The following CHST11 variants were observed in gnomAD, a reference collection of about 807,000 sequenced individuals.
CHST11 encodes the protein carbohydrate sulfotransferase 11.
A neutral mutation model predicts 30.4 loss-of-function variants in CHST11; 9 were observed. The observed-to-expected ratio is 0.30, with a 90% CI of 0.18 to 0.52. The LOEUF (loss-of-function observed/expected upper bound fraction) is 0.52, where lower values mean the gene tolerates loss of function less well. Ranked by LOEUF, CHST11 falls within the 20% of genes least tolerant of loss-of-function variation. The pLI is 0.97. For missense variants in CHST11, 348 were observed against 460.6 expected, an observed-to-expected ratio of 0.76 and a Z score of 2.24; for synonymous variants, 152 against 187.8, an observed-to-expected ratio of 0.81 and a Z score of 1.56.
chr12:104,548,508 A>G (rs1400641431), intron 1 of CHST11, among the ~76,000 whole-genome samples: 1 of 152,152 alleles, frequency 6.6e-6, no homozygotes, highest in Non-Finnish European at 1.5e-5. Context: ...AGGGAGAGAG[A>G]AAAGGGAAGA....
chr12:104,503,146 T>C (rs866486393), intron 1 of CHST11, among the ~76,000 whole-genome samples: 1 of 152,206 alleles, frequency 6.6e-6, no homozygotes, highest in South Asian at 2.1e-4. Context: ...AATATGCCCA[T>C]CCAGACATCG....
At chr12:104,681,334 C>G (rs1240711331) in intron 2 of CHST11, among the ~76,000 whole-genome samples, 1 of 152,150 alleles carries the variant, frequency 6.6e-6, no homozygotes, top group African/African-American at 2.4e-5. Flanking sequence ...AGAAATTACT[C>G]ACAAAAGACC....
intron 2 of CHST11, among the ~76,000 whole-genome samples, chr12:104,670,606 AAC>A (rs1007464349): frequency 6.9e-6 from 1 of 144,114 alleles, no homozygotes; most frequent in African/African-American, 2.6e-5. Context: ...CTCCCACACA[AAC>A]ACATCCATAC....
chr12:104,743,318 G>A (rs958978544), intron 2 of CHST11, among the ~76,000 whole-genome samples: 6 of 152,232 alleles, frequency 3.9e-5, no homozygotes, highest in Non-Finnish European at 8.8e-5. Context: ...CCACCACTGA[G>A]TGTGAGCCTT....
chr12:104,610,249 T>G (rs1344554400), intron 2 of CHST11, among the ~76,000 whole-genome samples: 1 of 152,224 alleles, frequency 6.6e-6, no homozygotes, highest in African/African-American at 2.4e-5. Flanking sequence ...TAAGACCTCA[T>G]CTCTGGGTTG....
At chr12:104,687,137 GT>G (rs1302510774) in intron 2 of CHST11, among the ~76,000 whole-genome samples, 2 of 152,248 alleles carry the variant, frequency 1.3e-5, no homozygotes, top group Non-Finnish European at 2.9e-5. Flanking sequence ...GCTAAGAGTG[GT>G]TGCAATAGGG....
At chr12:104,592,922 C>T (rs940561307) in intron 1 of CHST11, among the ~76,000 whole-genome samples, 4 of 152,154 alleles carry the variant, frequency 2.6e-5, no homozygotes, top group African/African-American at 7.2e-5. Context: ...GTTTGGGGGA[C>T]TCCATTTGGT....
chr12:104,646,459 T>A (rs2559641), intron 2 of CHST11, among the ~76,000 whole-genome samples: 49,847 of 152,170 alleles, frequency 0.33, 8,385 homozygotes, highest in East Asian at 0.47. Flanking sequence ...TCTGGCCGGG[T>A]GCAGTGGCTC....
intron 2 of CHST11, among the ~76,000 whole-genome samples, chr12:104,666,035 G>A (rs1466900899): frequency 6.6e-6 from 1 of 151,862 alleles, no homozygotes; most frequent in South Asian, 2.1e-4. Context: ...GGCCAGGATG[G>A]TCTTGATCTC....
At position 104,458,673 on chromosome 12, in the gene CHST11, G is replaced by T. The variant is rs2037379770; in HGVS notation, c.118+1144G>T. Among the ~76,000 whole-genome samples the T allele has an allele frequency of 6.6e-6, 1 of 152,242 alleles. No homozygotes were observed. Among genetic ancestry groups the T allele is most frequent in the South Asian group, 2.1e-4 (1 of 4,836 alleles). Reference sequence around the variant, plus strand: ...AGCAGCCCCCTGCCGGGCCACGTTGGCTCAGAAATCCATTTTCTACGCCTC... The same window carrying T: ...AGCAGCCCCCTGCCGGGCCACGTTGTCTCAGAAATCCATTTTCTACGCCTC... On this transcript the variant is annotated intron_variant, in intron 1 of 2. Coordinates refer to ENST00000303694, the MANE Select transcript of CHST11 (RefSeq NM_018413.6). The surrounding 1 kb of genome is among the most constrained non-coding windows in gnomAD (Gnocchi z 5.7).
intron 2 of CHST11, among the ~76,000 whole-genome samples, chr12:104,633,512 T>A (rs1346164769): frequency 6.0e-5 from 9 of 150,306 alleles, no homozygotes; most frequent in Non-Finnish European, 8.8e-5. Flanking sequence ...TCTCTTGGGT[T>A]CAGGCAATTC....
At chr12:104,515,125 GA>G (rs374866702) in intron 1 of CHST11, among the ~76,000 whole-genome samples, 4 of 150,972 alleles carry the variant, frequency 2.6e-5, no homozygotes, top group East Asian at 3.9e-4. Context: ...AAATGGTTGG[GA>G]AAAAAAAATC....
chr12:104,510,634 A>G (rs976151714), intron 1 of CHST11, among the ~76,000 whole-genome samples: 2 of 152,212 alleles, frequency 1.3e-5, no homozygotes, highest in Admixed American at 1.3e-4. Flanking sequence ...TCTTTGTGGA[A>G]ACACTGTTTG....
intron 2 of CHST11, among the ~76,000 whole-genome samples, chr12:104,738,647 G>A (rs772919913): frequency 2.6e-5 from 4 of 152,222 alleles, no homozygotes; most frequent in African/African-American, 4.8e-5. Flanking sequence ...CACCTTTAAA[G>A]CAGGGAGTAC....
intron 2 of CHST11, among the ~76,000 whole-genome samples, chr12:104,633,831 G>A (rs560945039): frequency 6.6e-6 from 1 of 152,176 alleles, no homozygotes; most frequent in African/African-American, 2.4e-5. Context: ...ACATCTCAGA[G>A]CCCTCTGTCC....
chr12:104,522,631 AT>A (rs956342073), intron 1 of CHST11, among the ~76,000 whole-genome samples: 19 of 151,242 alleles, frequency 1.3e-4, no homozygotes, highest in Non-Finnish European at 1.5e-5. Context: ...TTATTTTTCT[AT>A]TTTTTTTCAA....
At chr12:104,509,291 G>A (rs965493487) in intron 1 of CHST11, among the ~76,000 whole-genome samples, 2 of 152,186 alleles carry the variant, frequency 1.3e-5, no homozygotes, top group Non-Finnish European at 2.9e-5. Flanking sequence ...CACCATGATT[G>A]TGAGGTTTCC....
chr12:104,665,096 C>T (rs965559593), intron 2 of CHST11, among the ~76,000 whole-genome samples: 1 of 152,182 alleles, frequency 6.6e-6, no homozygotes, highest in Non-Finnish European at 1.5e-5. Flanking sequence ...TTCCCACTTT[C>T]ACCTCTCTAG....
At chr12:104,526,332 TAAG>T (rs1320453268) in intron 1 of CHST11, among the ~76,000 whole-genome samples, 1 of 152,176 alleles carries the variant, frequency 6.6e-6, no homozygotes, top group Non-Finnish European at 1.5e-5. Flanking sequence ...TTTTTAAACT[TAAG>T]GAGCCCAGTT....
Sources: gnomAD v4.1 joint callset for allele counts (sites outside exome capture counted in the v4.1 genomes callset) on GRCh38, gnomAD v4.1.1 for gene constraint, Gnocchi (gnomAD v3.1) non-coding constraint, MANE v1.5 for transcripts, NCBI Gene and HGNC (gene_info 2026-07-23, HGNC 2026-07-21) for gene names.